The following LGR4 variants were observed in gnomAD, a reference collection of about 807,000 sequenced individuals.
LGR4 encodes leucine rich repeat containing G protein-coupled receptor 4.
In LGR4, 44 loss-of-function variants were observed where a neutral mutation model predicts 84.8. That is an observed-to-expected ratio of 0.52 (90% CI 0.41 to 0.67). The LOEUF (loss-of-function observed/expected upper bound fraction) is 0.67, where lower values mean the gene tolerates loss of function less well. Among genes scored for constraint, LGR4 ranks in the 30% least tolerant of loss-of-function variants. The pLI is 0.00. For synonymous variants in LGR4, 429 were observed against 434.3 expected, an observed-to-expected ratio of 0.99 and a Z score of 0.15; for missense variants, 1,032 against 1,131.4, an observed-to-expected ratio of 0.91 and a Z score of 1.26.
intron 3 of LGR4, 99 bp downstream of exon 3, chr11:27,392,348 G>A: frequency 1.1e-6 from 1 of 950,168 alleles, no homozygotes. Context: ...TTTTAATCCT[G>A]AACTAAAAGA....
chr11:27,414,523 T>C (rs941819686), intron 1 of LGR4, among the ~76,000 whole-genome samples: 8 of 152,126 alleles, frequency 5.3e-5, no homozygotes, highest in African/African-American at 1.9e-4. Context: ...CTTATGACCA[T>C]AGAGACATAC....
chr11:27,429,554 A>G (rs1329834853), intron 1 of LGR4, among the ~76,000 whole-genome samples: 1 of 151,782 alleles, frequency 6.6e-6, no homozygotes, highest in East Asian at 1.9e-4. Context: ...CAGGAAGTGG[A>G]GGAGGAACCT....
intron 3 of LGR4, among the ~76,000 whole-genome samples, chr11:27,392,016 T>C (rs1863295454): frequency 6.6e-6 from 1 of 152,214 alleles, no homozygotes; most frequent in Non-Finnish European, 1.5e-5. Context: ...TCGCTGGCTA[T>C]ACAAATTGTA....
At position 27,461,174 on chromosome 11, in the gene LGR4, T is replaced by C. The variant is rs550935216; in HGVS notation, c.185+10944A>G. On this transcript the variant is annotated intron_variant, in intron 1 of 17. Coordinates refer to ENST00000379214, the MANE Select transcript of LGR4 (RefSeq NM_018490.5). ...AATTTACTTTTAAGATAATAAGCTT[T>C]TCTTTAGCTACAAAACCAAGCATTA... Among the ~76,000 whole-genome samples, 6 of 152,190 alleles carry C rather than the reference T, an allele frequency of 3.9e-5. No individual in the cohort carries two copies. The South Asian group carries it at 1.2e-3, about 32-fold the overall frequency.
chr11:27,430,830 A>G (rs1223581917), intron 1 of LGR4, among the ~76,000 whole-genome samples: 1 of 152,022 alleles, frequency 6.6e-6, no homozygotes, highest in East Asian at 1.9e-4. Context: ...TTCTATATCA[A>G]GGCCCTACCT....
intron 1 of LGR4, among the ~76,000 whole-genome samples, chr11:27,430,028 T>C (rs1381499907): frequency 1.3e-5 from 2 of 151,556 alleles, no homozygotes; most frequent in Non-Finnish European, 2.9e-5. Context: ...CCCAGACATC[T>C]GTGAGTACTT....
At chr11:27,392,417 G>A (rs748955266) in intron 3 of LGR4, 30 bp downstream of exon 3, 4 of 1,508,656 alleles carry the variant, frequency 2.7e-6, no homozygotes, top group Non-Finnish European at 3.6e-6. Flanking sequence ...TACACAGCCA[G>A]CTGTGAAACT....
chr11:27,432,734 G>A (rs1261436461), intron 1 of LGR4, among the ~76,000 whole-genome samples: 1 of 152,088 alleles, frequency 6.6e-6, no homozygotes, highest in Non-Finnish European at 1.5e-5. Context: ...CCACCCACTG[G>A]AAGAAATTGA....
rs1590336358 is a variant in LGR4, at chr11:27,366,027, C to T, written c.*1840G>A. ...ATATTGTATTTCATACCATATAGCA[C>T]AAAGATTAACACTTTTATATATCTG... On this transcript the variant is annotated 3_prime_UTR_variant, in exon 18 of 18. Coordinates refer to ENST00000379214, the MANE Select transcript of LGR4 (RefSeq NM_018490.5). 1 of 152,442 alleles carries T rather than the reference C, an allele frequency of 6.6e-6. No homozygotes were observed. Among genetic ancestry groups the T allele is most frequent in the South Asian group, 2.1e-4 (1 of 4,816 alleles). The allele number at this position is 152,442 out of a possible 1,614,324, so 9.4% of individuals were successfully genotyped here.
intron 7 of LGR4, 106 bp from the exon 8 acceptor site, chr11:27,381,072 C>T: frequency 1.7e-6 from 1 of 590,044 alleles, no homozygotes; most frequent in Non-Finnish European, 3.1e-6. Context: ...CTGATAATGA[C>T]TACATGAAAA....
chr11:27,459,025 A>C (rs1864625737), intron 1 of LGR4, among the ~76,000 whole-genome samples: 2 of 152,368 alleles, frequency 1.3e-5, no homozygotes, highest in Middle Eastern at 3.4e-3. Context: ...TGAGCCAATA[A>C]ATTTAAAGGA....
At chr11:27,380,118 T>A (rs764421907) in intron 10 of LGR4, among the ~76,000 whole-genome samples, 153 bp downstream of exon 10, 1 of 152,166 alleles carries the variant, frequency 6.6e-6, no homozygotes, top group Non-Finnish European at 1.5e-5. Context: ...ACTGACCCCA[T>A]ACCCAATATA....
At chr11:27,461,074 G>T (rs1864671318) in intron 1 of LGR4, among the ~76,000 whole-genome samples, 1 of 152,084 alleles carries the variant, frequency 6.6e-6, no homozygotes, top group African/African-American at 2.4e-5. Context: ...TTCTGAGAAA[G>T]ATTTAACCGT....
chr11:27,394,394 C>T (rs1385378476), intron 2 of LGR4, among the ~76,000 whole-genome samples: 2 of 152,032 alleles, frequency 1.3e-5, no homozygotes, highest in African/African-American at 2.4e-5. Context: ...TTTTTACTTA[C>T]TTATTTATTT....
chr11:27,390,708 C>T (rs1169728208), intron 4 of LGR4, among the ~76,000 whole-genome samples: 1 of 152,120 alleles, frequency 6.6e-6, no homozygotes, highest in South Asian at 2.1e-4. Context: ...GAATTACAAT[C>T]GATTTGTTCT....
intron 3 of LGR4, 149 bp from the exon 4 acceptor site, chr11:27,391,314 G>C: frequency 1.8e-6 from 1 of 558,536 alleles, no homozygotes; most frequent in South Asian, 2.4e-5. Context: ...TAAGACAAGA[G>C]AATTGCAAAA....
At chr11:27,391,046 C>A (rs1466461244) in intron 4 of LGR4, 48 bp downstream of exon 4, 1 of 1,024,304 alleles carries the variant, frequency 9.8e-7, no homozygotes. Context: ...ACATCTTTAA[C>A]AGCCAGAGTA....
chr11:27,430,102 C>T (rs917520536), intron 1 of LGR4, among the ~76,000 whole-genome samples: 5 of 152,152 alleles, frequency 3.3e-5, no homozygotes, highest in East Asian at 3.8e-4. Context: ...TCACATCGAA[C>T]GTACTCCTCT....
intron 1 of LGR4, among the ~76,000 whole-genome samples, chr11:27,418,612 C>T (rs993194628): frequency 1.3e-5 from 2 of 152,066 alleles, no homozygotes; most frequent in Admixed American, 6.6e-5. Flanking sequence ...CATATTGACA[C>T]TTAAAAATAA....
Sources: allele counts gnomAD v4.1 joint callset (sites outside exome capture counted in the v4.1 genomes callset), GRCh38; gene constraint gnomAD v4.1.1; transcripts MANE v1.5; gene names NCBI Gene and HGNC (gene_info 2026-07-23, HGNC 2026-07-21).